The following CRACDL variants were observed in gnomAD, a reference collection of about 807,000 sequenced individuals.
CRACDL encodes CRACD-like protein.
A neutral mutation model predicts 70.6 loss-of-function variants in CRACDL; 26 were observed. The observed-to-expected ratio is 0.37, with a 90% CI of 0.27 to 0.51. The LOEUF (loss-of-function observed/expected upper bound fraction) is 0.51. Among genes scored for constraint, CRACDL ranks in the 20% least tolerant of loss-of-function variants. CRACDL has a pLI of 0.94. For synonymous variants in CRACDL, 618 were observed against 615.2 expected (o/e 1.00, Z -0.07); for missense variants, 1,283 against 1,376.9 (o/e 0.93, Z 1.08).
At chr2:98,874,665 T>G (rs546994835) in intron 1 of CRACDL, among the ~76,000 whole-genome samples, 1 of 152,316 alleles carries the variant, frequency 6.6e-6, no homozygotes, top group South Asian at 2.1e-4. Flanking sequence ...CTGGAAGGTT[T>G]TTGGGCAAGG....
At chr2:98,804,272 C>T (rs756689334) in intron 7 of CRACDL, among the ~76,000 whole-genome samples, 1 of 152,172 alleles carries the variant, frequency 6.6e-6, no homozygotes, top group Non-Finnish European at 1.5e-5. Flanking sequence ...CCCAGTTCCA[C>T]CTTAAATTAA....
At chr2:98,843,034 C>T (rs1402571246) in intron 2 of CRACDL, among the ~76,000 whole-genome samples, 1 of 152,034 alleles carries the variant, frequency 6.6e-6, no homozygotes, top group East Asian at 1.9e-4. Context: ...TTTTGCATTC[C>T]TCCCTTCAAT....
At chr2:98,920,350 A>G (rs893234729) in intron 1 of CRACDL, among the ~76,000 whole-genome samples, 5 of 152,124 alleles carry the variant, frequency 3.3e-5, no homozygotes, top group African/African-American at 9.7e-5. Flanking sequence ...ACCTTCTTGC[A>G]GGCAGAGGAC....
intron 1 of CRACDL, among the ~76,000 whole-genome samples, chr2:98,853,849 T>C (rs571324876): frequency 1.9e-3 from 283 of 152,268 alleles, no homozygotes; most frequent in Non-Finnish European, 3.5e-3. Context: ...CTGTGATCCC[T>C]AGAGAAAACA....
chr2:98,805,969 T>G (rs938405679), intron 7 of CRACDL, among the ~76,000 whole-genome samples: 1 of 152,270 alleles, frequency 6.6e-6, no homozygotes, highest in Non-Finnish European at 1.5e-5. Context: ...GGTAGCACGC[T>G]TCTATCATTA....
intron 7 of CRACDL, among the ~76,000 whole-genome samples, chr2:98,804,499 T>C: frequency 6.6e-6 from 1 of 152,252 alleles, no homozygotes; most frequent in Middle Eastern, 3.2e-3. Flanking sequence ...CAAGCAGTGA[T>C]GCGCCGCCTT....
chr2:98,827,310 T>C, intron 5 of CRACDL, 141 bp from the exon 6 acceptor site: 1 of 626,940 alleles, frequency 1.6e-6, no homozygotes, highest in Non-Finnish European at 2.8e-6. Flanking sequence ...TACTTTCTTT[T>C]TTTTTCCCCC....
chr2:98,851,149 C>A (rs1191435230), intron 1 of CRACDL, among the ~76,000 whole-genome samples: 1 of 152,172 alleles, frequency 6.6e-6, no homozygotes, highest in African/African-American at 2.4e-5. Context: ...ACCGTTCTTT[C>A]ACATTGCTCA....
chr2:98,917,266 G>A (rs6542843), intron 1 of CRACDL, among the ~76,000 whole-genome samples: 77,602 of 152,122 alleles, frequency 0.51, 21,420 homozygotes, highest in African/African-American at 0.71. Flanking sequence ...ACCTTTATAT[G>A]TAACATTGTG....
chr2:98,910,517 T>C (rs1188845697), intron 1 of CRACDL, among the ~76,000 whole-genome samples: 6 of 124,302 alleles, frequency 4.8e-5, no homozygotes, highest in Non-Finnish European at 8.4e-5. Context: ...CAAGACTCTG[T>C]CTCAAAATAA....
Position 98,823,365 on chromosome 2 carries a change from C to G in CRACDL, c.908G>C (p.Gly303Ala). ...PGPPAPLPPP[G>A]GARARRARLQ... ...GCGGGCGCGTCTGGCACGGGCCCCT[C>G]CGGGTGGCGGCAAGGGCGCCGGTGG... is the stretch of plus-strand genomic sequence containing the variant. Residue 303 changes from glycine (G) to alanine (A), a missense_variant, in exon 7 of 10, where the codon GGA becomes GCA. This residue lies in a region of CRACDL where 362 missense variants were observed against 495.0 expected (regional missense o/e 0.73). Transcript: ENST00000397899. The surrounding 1 kb of genome is among the most constrained non-coding windows in gnomAD (Gnocchi z 4.0). The G allele has an allele frequency of 6.5e-7, 1 of 1,528,960 alleles. No individual in the cohort carries two copies. The allele number at this position is 1,528,960 out of a possible 1,614,324, so 94.7% of individuals were successfully genotyped here. A position where few individuals can be genotyped will look rare whatever the true frequency, so the allele number is the denominator to read the frequency against.
At chr2:98,865,644 C>T (rs1475375595) in intron 1 of CRACDL, among the ~76,000 whole-genome samples, 1 of 152,020 alleles carries the variant, frequency 6.6e-6, no homozygotes, top group African/African-American at 2.4e-5. Context: ...TGTGAGAAAT[C>T]TCTGTTCAAA....
At chr2:98,881,749 C>T (rs1198212666) in intron 1 of CRACDL, among the ~76,000 whole-genome samples, 5 of 152,208 alleles carry the variant, frequency 3.3e-5, no homozygotes, top group South Asian at 2.1e-4. Context: ...TCATGGCCAA[C>T]GAGTGTTTTC....
intron 1 of CRACDL, among the ~76,000 whole-genome samples, chr2:98,854,447 A>G (rs2104556654): frequency 6.6e-6 from 1 of 152,070 alleles, no homozygotes; most frequent in Non-Finnish European, 1.5e-5. Flanking sequence ...TGCCTAAAAA[A>G]ACCATAAAAG....
In CRACDL at chr2:98,826,985, C is replaced by T. The variant is rs1382107133; in HGVS notation, c.725G>A (p.Arg242Gln). Residue 242 changes from arginine to glutamine, a missense_variant, in exon 6 of 10, where the codon CGG (arginine) becomes CAG (glutamine). Around this residue, in one of 2 missense-constraint regions of CRACDL, gnomAD observed 362 missense variants for 495.0 expected, o/e 0.73. Coordinates refer to ENST00000397899, the MANE Select transcript of CRACDL (RefSeq NM_207362.3). The part of the protein sequence containing the change: ...PRNQRSSKMR[R>Q]LSSRAQSESL... Reference sequence around the variant, plus strand: ...AGGAAACCCAATTACCGATGAGAGCCGCCTCATCTTACTCGACCGCTGGTT... The same window carrying T: ...AGGAAACCCAATTACCGATGAGAGCTGCCTCATCTTACTCGACCGCTGGTT... 26 of 1,612,376 alleles carry T rather than the reference C, an allele frequency of 1.6e-5. No homozygotes were observed. The highest frequency in any genetic ancestry group is 2.0e-5 in the Non-Finnish European group (23 of 1,179,238).
chr2:98,856,279 AAC>A (rs1373961133), intron 1 of CRACDL, among the ~76,000 whole-genome samples: 2 of 152,220 alleles, frequency 1.3e-5, no homozygotes, highest in Non-Finnish European at 2.9e-5. Flanking sequence ...TCTTATCAGA[AAC>A]ATTGGAGACC....
chr2:98,892,361 G>C (rs761858606), intron 1 of CRACDL, among the ~76,000 whole-genome samples: 2 of 151,928 alleles, frequency 1.3e-5, no homozygotes, highest in African/African-American at 2.4e-5. Flanking sequence ...TATGGACATA[G>C]AAGTATCTAT....
At chr2:98,795,077 A>ATATATATATATATATATATTTTTTTT in intron 9 of CRACDL, among the ~76,000 whole-genome samples, 1 of 58,504 alleles carries the variant, frequency 1.7e-5, no homozygotes, top group African/African-American at 6.6e-5. Context: ...ATATATATAT[A>ATATATATATATATATATATTTTTTTT]TTTTTTTTTT....
At chr2:98,882,635 CT>C (rs1558621348) in intron 1 of CRACDL, among the ~76,000 whole-genome samples, 1 of 152,130 alleles carries the variant, frequency 6.6e-6, no homozygotes, top group African/African-American at 2.4e-5. Flanking sequence ...GCCATAAAAC[CT>C]GTCTCTCTGG....
Sources: allele counts gnomAD v4.1 joint callset (sites outside exome capture counted in the v4.1 genomes callset), GRCh38; gene constraint gnomAD v4.1.1; regional missense constraint gnomAD v4.1.1; non-coding constraint Gnocchi (gnomAD v3.1); transcripts MANE v1.5; gene names NCBI Gene and HGNC (gene_info 2026-07-23, HGNC 2026-07-21).